Variants in PSMF1 observed in about 807,000 individuals in gnomAD.
PSMF1 encodes the protein proteasome inhibitor PI31 subunit.
A neutral mutation model predicts 29.3 loss-of-function variants in PSMF1; 30 were observed. The observed-to-expected ratio is 1.02, with a 90% CI of 0.77 to 1.39. The LOEUF (loss-of-function observed/expected upper bound fraction) is 1.39. Among genes scored for constraint, PSMF1 ranks in the 40% most tolerant of loss-of-function variants. The pLI, the probability that PSMF1 is intolerant of heterozygous loss-of-function variation, is 0.00. For missense variants in PSMF1, 344 were observed against 357.5 expected (o/e 0.96, Z 0.31); for synonymous variants, 134 against 139.7 (o/e 0.96, Z 0.29).
chr20:1,117,592 C>T (rs1296135826), upstream of PSMF1, among the ~76,000 whole-genome samples: 7 of 152,212 alleles, frequency 4.6e-5, no homozygotes, highest in East Asian at 1.3e-3. Context: ...GATCCGCCTG[C>T]CTCGGCCTCA....
At position 1,171,302 on chromosome 20, in the gene PSMF1, G is replaced by C. The variant is rs1332883253; in HGVS notation, c.*6222G>C. On this transcript the variant is annotated 3_prime_UTR_variant, in exon 7 of 7. Transcript: ENST00000335877. ...TCCACAGAGGAAGAAACAGGCTCAA[G>C]AAACCCATATGTGATGGGGAGCTCC... is the stretch of plus-strand genomic sequence containing the variant. Among the ~76,000 whole-genome samples the C allele has an allele frequency of 1.3e-5, 2 of 152,160 alleles. No homozygotes were observed. The highest frequency in any genetic ancestry group is 4.8e-5 in the African/African-American group (2 of 41,428).
chr20:1,128,691 T>C (rs1226113263), intron 3 of PSMF1, among the ~76,000 whole-genome samples: 2 of 152,050 alleles, frequency 1.3e-5, no homozygotes, highest in East Asian at 1.9e-4. Context: ...ATAGGGATTT[T>C]CCCCCCATCT....
At chr20:1,145,651 C>T (rs1475606016) in intron 4 of PSMF1, among the ~76,000 whole-genome samples, 1 of 152,178 alleles carries the variant, frequency 6.6e-6, no homozygotes, top group African/African-American at 2.4e-5. Context: ...TACAATACTC[C>T]TTATCAGGGT....
chr20:1,158,491 C>A (rs751643320), intron 4 of PSMF1, among the ~76,000 whole-genome samples: 3 of 152,218 alleles, frequency 2.0e-5, no homozygotes, highest in Non-Finnish European at 4.4e-5. Context: ...GACTCCCAGT[C>A]CTGAGGCCTT....
In PSMF1 at chr20:1,164,445, C is replaced by G. The variant is rs2086704059; in HGVS notation, c.733C>G (p.Pro245Ala). The G allele has an allele frequency of 1.2e-6, 2 of 1,614,014 alleles. No homozygotes were observed. The highest frequency in any genetic ancestry group is 2.2e-5 in the South Asian group (2 of 91,086). Residue 245 changes from proline (P) to alanine (A), a missense_variant, in exon 6 of 7, where the codon CCC (proline) becomes GCC (alanine). Coordinates refer to ENST00000335877, the MANE Select transcript of PSMF1 (RefSeq NM_006814.5). The surrounding 1 kb of genome is among the most constrained non-coding windows in gnomAD (Gnocchi z 4.1). Reference sequence around the variant, plus strand: ...TGTGCCCCCAGGAGCTCGCTTTGACCCCTTTGGACCCATTGGGACCAGCCC... The same window carrying G: ...TGTGCCCCCAGGAGCTCGCTTTGACGCCTTTGGACCCATTGGGACCAGCCC... Reference protein sequence around the residue: ...GAVPPGARFDPFGPIGTSPPG... With the variant: ...GAVPPGARFDAFGPIGTSPPG...
intron 3 of PSMF1, among the ~76,000 whole-genome samples, chr20:1,128,948 T>C (rs150304829): frequency 0.016 from 2,398 of 152,102 alleles, 62 homozygotes; most frequent in African/African-American, 0.055. Flanking sequence ...CGATCTCGGC[T>C]CACTGCAAGC....
At chr20:1,152,842 T>C (rs1819001493) in intron 4 of PSMF1, among the ~76,000 whole-genome samples, 1 of 152,182 alleles carries the variant, frequency 6.6e-6, no homozygotes, top group South Asian at 2.1e-4. Context: ...TGCAAGTTCT[T>C]TTTTTAGCCT....
chr20:1,161,870 G>C (rs1014165274), intron 4 of PSMF1, among the ~76,000 whole-genome samples: 2 of 152,220 alleles, frequency 1.3e-5, no homozygotes, highest in African/African-American at 4.8e-5. Flanking sequence ...TGTAGAACTT[G>C]TTGCTGATTT....
At chr20:1,113,537 C>T (rs937548045) in intron 1 of PSMF1, 1 of 96,312 alleles carries the variant, frequency 1.0e-5, no homozygotes, top group African/African-American at 3.6e-5. Context: ...CCTGGAGGAC[C>T]CTGGGGTTCA....
At chr20:1,147,937 C>A (rs188958819) in intron 4 of PSMF1, among the ~76,000 whole-genome samples, 74 of 152,310 alleles carry the variant, frequency 4.9e-4, no homozygotes, top group African/African-American at 1.7e-3. Context: ...TATTAATTAT[C>A]CCATCACTGA....
chr20:1,144,286 G>C (rs2086420976), intron 4 of PSMF1, among the ~76,000 whole-genome samples: 1 of 152,172 alleles, frequency 6.6e-6, no homozygotes. Context: ...CTAAATTCTA[G>C]AGAGAGTGCA....
At chr20:1,131,512 A>G (rs964762466) in intron 3 of PSMF1, among the ~76,000 whole-genome samples, 1 of 152,330 alleles carries the variant, frequency 6.6e-6, no homozygotes, top group South Asian at 2.1e-4. Context: ...AAAAAATGTG[A>G]TCACCAGGAG....
chr20:1,154,801 A>G (rs2086573061), intron 4 of PSMF1, among the ~76,000 whole-genome samples: 1 of 152,156 alleles, frequency 6.6e-6, no homozygotes, highest in Non-Finnish European at 1.5e-5. Flanking sequence ...AGGGTCTGAA[A>G]ATATTTAGGT....
intron 4 of PSMF1, among the ~76,000 whole-genome samples, chr20:1,147,135 TATCATCATCATCATCATC>T (rs112288654): frequency 4.1e-5 from 6 of 146,638 alleles, no homozygotes; most frequent in Non-Finnish European, 3.0e-5. Context: ...TTGTTTCCGT[TATCATCATCATCATCATC>T]ATCATCATCA....
chr20:1,135,309 G>T lies in PSMF1; in HGVS notation c.551+3G>T. 1 of 1,606,750 alleles carries T rather than the reference G, an allele frequency of 6.2e-7. No homozygotes were observed. The highest frequency in any genetic ancestry group is 2.2e-5 in the East Asian group (1 of 44,844). ...CACACCAGTCGGCAGCCTCCCTGGT[G>T]AGTACAGAGTGCCTAGCGGGAAGCC... On this transcript the variant is annotated splice_donor_region_variant and intron_variant, in intron 4 of 6. Coordinates refer to ENST00000335877, the MANE Select transcript of PSMF1 (RefSeq NM_006814.5).
chr20:1,163,458 A>G lies in PSMF1; in HGVS notation c.605+275A>G, dbSNP rs1333498415. On this transcript the variant is annotated intron_variant, in intron 5 of 6. Coordinates refer to ENST00000335877, the MANE Select transcript of PSMF1 (RefSeq NM_006814.5). The surrounding 1 kb of genome is among the most constrained non-coding windows in gnomAD (Gnocchi z 6.1). ...CCCCCTGCCCACCCTAGTTTATCAG[A>G]TGTATAGTGAGGAGCACATGGTGGG... Among the ~76,000 whole-genome samples, 1 of 152,094 alleles carries G rather than the reference A, an allele frequency of 6.6e-6. No individual in the cohort carries two copies. Among genetic ancestry groups the G allele is most frequent in the African/African-American group, 2.4e-5 (1 of 41,424 alleles).
rs2086782475 is a variant in PSMF1 at position 1,170,798 on chromosome 20, G to A, written c.*5718G>A. 6.6e-6 allele frequency among the ~76,000 whole-genome samples: 1 copy of A among 152,020 alleles called. No homozygotes were observed. Among genetic ancestry groups the A allele is most frequent in the Non-Finnish European group, 1.5e-5 (1 of 67,994 alleles). ...TAAAGTCATATGGGTAGATAAGGGT[G>A]GGACTCAAGGACAAGAGAGGAACCT... On this transcript the variant is annotated 3_prime_UTR_variant, in exon 7 of 7. Transcript: ENST00000335877.
Position 1,118,638 on chromosome 20 carries a change from T to G in PSMF1, c.-136T>G, listed in dbSNP as rs1330477193. 3.8e-5 allele frequency: 41 copies of G among 1,072,782 alleles called. No homozygotes were observed. Among genetic ancestry groups the G allele is most frequent in the African/African-American group, 6.4e-5 (4 of 62,142 alleles). 66.5% of individuals were successfully genotyped at this position (1,072,782 alleles called of 1,614,324 possible). On this transcript the variant is annotated 5_prime_UTR_variant, in exon 1 of 7. Coordinates refer to ENST00000335877, the MANE Select transcript of PSMF1 (RefSeq NM_006814.5). ...CCCGCCCCGTCCCCGGGCGTCTCCA[T>G]TTTGGTCTCAGGTGTGGACTCGGCA...
chr20:1,166,042 A>G lies in PSMF1; in HGVS notation c.*962A>G. 3.4e-6 allele frequency: 5 copies of G among 1,465,272 alleles called. No individual in the cohort carries two copies. The East Asian group carries it at 7.5e-5, about 22-fold the overall frequency. The allele number at this position is 1,465,272 out of a possible 1,614,324, so 90.8% of individuals were successfully genotyped here. A position where few individuals can be genotyped will look rare whatever the true frequency, so the allele number is the denominator to read the frequency against. On this transcript the variant is annotated 3_prime_UTR_variant, in exon 7 of 7. Coordinates refer to ENST00000335877, the MANE Select transcript of PSMF1 (RefSeq NM_006814.5). ...AGGAAAAGAATGATGGTTCAAGGCCATACTTCCCTTGAACCTTGTGTGGTT... is the reference window on the plus strand; with the variant it reads ...AGGAAAAGAATGATGGTTCAAGGCCGTACTTCCCTTGAACCTTGTGTGGTT...
Sources: gnomAD v4.1 joint callset for allele counts (sites outside exome capture counted in the v4.1 genomes callset) on GRCh38, gnomAD v4.1.1 for gene constraint, Gnocchi (gnomAD v3.1) non-coding constraint, MANE v1.5 for transcripts, NCBI Gene and HGNC (gene_info 2026-07-23, HGNC 2026-07-21) for gene names.